The following ASIC2 variants were observed in gnomAD, a reference collection of about 807,000 sequenced individuals.
ASIC2 encodes the protein acid sensing ion channel subunit 2, also known as acid-sensing ion channel 2.
A neutral mutation model predicts 57.3 loss-of-function variants in ASIC2; 25 were observed. The ratio of observed to expected loss-of-function variants is 0.44; its 90% CI spans 0.32 to 0.61. ASIC2 has a LOEUF of 0.61. Among genes scored for constraint, ASIC2 ranks in the 20% least tolerant of loss-of-function variants. The pLI is 0.06. For synonymous variants in ASIC2, 319 were observed against 307.5 expected (o/e 1.04, Z -0.39); for missense variants, 641 against 738.1 (o/e 0.87, Z 1.52).
intron 1 of ASIC2, among the ~76,000 whole-genome samples, chr17:33,212,178 T>C (rs1355731289): frequency 1.3e-5 from 2 of 152,168 alleles, no homozygotes; most frequent in Non-Finnish European, 1.5e-5. Flanking sequence ...ATCCCTGAAA[T>C]CGTGAATATT....
At chr17:33,899,044 A>G (rs928406891) in intron 1 of ASIC2, among the ~76,000 whole-genome samples, 5 of 151,536 alleles carry the variant, frequency 3.3e-5, no homozygotes, top group African/African-American at 1.2e-4. Flanking sequence ...CAAAAATCTG[A>G]GTTAAAGCTC....
intron 1 of ASIC2, among the ~76,000 whole-genome samples, chr17:33,137,409 G>T (rs2092371002): frequency 6.6e-6 from 1 of 152,196 alleles, no homozygotes; most frequent in East Asian, 1.9e-4. Flanking sequence ...AAGGGCAATG[G>T]TACATTTGAA....
At chr17:33,427,760 G>T (rs1016299732) in intron 1 of ASIC2, among the ~76,000 whole-genome samples, 8 of 152,128 alleles carry the variant, frequency 5.3e-5, no homozygotes, top group Non-Finnish European at 5.9e-5. Flanking sequence ...CTTGAAAATG[G>T]CCCCCAAAGA....
intron 5 of ASIC2, among the ~76,000 whole-genome samples, chr17:33,024,475 G>T (rs1567719664): frequency 1.3e-5 from 2 of 152,204 alleles, no homozygotes; most frequent in Admixed American, 1.3e-4. Flanking sequence ...TGCAGGCAAA[G>T]TTCCTTCATT....
At chr17:33,886,955 C>T (rs902130919) in intron 1 of ASIC2, among the ~76,000 whole-genome samples, 2 of 151,492 alleles carry the variant, frequency 1.3e-5, no homozygotes, top group African/African-American at 4.9e-5. Flanking sequence ...AACAAACTAA[C>T]AAAAAAAACA....
chr17:33,374,709 G>C (rs938096239), intron 1 of ASIC2, among the ~76,000 whole-genome samples: 1 of 152,212 alleles, frequency 6.6e-6, no homozygotes, highest in African/African-American at 2.4e-5. Flanking sequence ...TGAGCGTGAG[G>C]TTATGCAGCC....
rs142833142 is a variant in ASIC2 at position 33,460,592 on chromosome 17, C to G, written c.556-348525G>C. Among the ~76,000 whole-genome samples, 327 of 152,212 alleles carry G rather than the reference C, an allele frequency of 2.1e-3. 1 individual carries two copies. The highest frequency in any genetic ancestry group is 7.5e-3 in the African/African-American group (313 of 41,544). ...CCACAGAAATGGGGAAAACTAATGGCCAAAGATTATTTAGTCTCATCAACA... is the reference window on the plus strand; with the variant it reads ...CCACAGAAATGGGGAAAACTAATGGGCAAAGATTATTTAGTCTCATCAACA... On this transcript the variant is annotated intron_variant, in intron 1 of 9. Transcript: ENST00000359872.
intron 1 of ASIC2, among the ~76,000 whole-genome samples, chr17:34,062,545 A>G (rs377301412): frequency 6.6e-6 from 1 of 152,122 alleles, no homozygotes; most frequent in African/African-American, 2.4e-5. Context: ...ATGAAATTGA[A>G]ACAAAAAAAG....
intron 1 of ASIC2, among the ~76,000 whole-genome samples, chr17:33,741,716 TC>T (rs1398885608): frequency 1.3e-5 from 2 of 152,220 alleles, no homozygotes; most frequent in Non-Finnish European, 2.9e-5. Context: ...TGCAGTTTTC[TC>T]CTGCTCTACT....
At chr17:33,579,101 A>G (rs996316925) in intron 1 of ASIC2, among the ~76,000 whole-genome samples, 43 of 148,308 alleles carry the variant, frequency 2.9e-4, no homozygotes, top group African/African-American at 1.0e-3. Flanking sequence ...TCTGGCCAAC[A>G]TGGTGAAACC....
intron 1 of ASIC2, among the ~76,000 whole-genome samples, chr17:33,908,457 G>A (rs1452368085): frequency 1.3e-5 from 2 of 152,182 alleles, no homozygotes; most frequent in East Asian, 3.8e-4. Context: ...AGAGGGAAAC[G>A]GAGAAGGAGA....
intron 1 of ASIC2, among the ~76,000 whole-genome samples, chr17:33,446,700 C>G (rs576413371): frequency 6.6e-6 from 1 of 152,148 alleles, no homozygotes; most frequent in African/African-American, 2.4e-5. Flanking sequence ...GGAACCATGT[C>G]TTTTCATCCC....
At chr17:34,032,949 G>C (rs1433049560) in intron 1 of ASIC2, among the ~76,000 whole-genome samples, 1 of 152,180 alleles carries the variant, frequency 6.6e-6, no homozygotes, top group East Asian at 1.9e-4. Flanking sequence ...ACATTAGACA[G>C]ATAAACAAGA....
intron 1 of ASIC2, among the ~76,000 whole-genome samples, chr17:33,216,635 G>A (rs1158667755): frequency 1.3e-5 from 2 of 152,262 alleles, no homozygotes; most frequent in East Asian, 1.9e-4. Context: ...GGCCTGGCAT[G>A]AGGGTGCTAT....
intron 1 of ASIC2, among the ~76,000 whole-genome samples, chr17:33,927,629 G>A (rs1915850842): frequency 6.6e-6 from 1 of 152,152 alleles, no homozygotes. Context: ...CCAATCTATG[G>A]TATTTGTTAG....
At chr17:33,617,524 A>G (rs77641393) in intron 1 of ASIC2, among the ~76,000 whole-genome samples, 56,874 of 151,758 alleles carry the variant, frequency 0.37, 10,863 homozygotes, top group East Asian at 0.49. Flanking sequence ...AGGAGGGGAG[A>G]ATAAAAAAAC....
chr17:33,406,009 A>C (rs896086230), intron 1 of ASIC2, among the ~76,000 whole-genome samples: 2 of 147,852 alleles, frequency 1.4e-5, no homozygotes, highest in Non-Finnish European at 3.0e-5. Context: ...TGGAAAATGC[A>C]AAACAGGCTC....
chr17:34,051,877 AGAGAGCG>A (rs1263120702), intron 1 of ASIC2: 2 of 150,342 alleles, frequency 1.3e-5, no homozygotes, highest in African/African-American at 4.9e-5. Flanking sequence ...AGAGAGAGCG[AGAGAGCG>A]AGAGAGCGAG....
chr17:33,950,246 G>A (rs1904515491), intron 1 of ASIC2, among the ~76,000 whole-genome samples: 1 of 152,202 alleles, frequency 6.6e-6, no homozygotes, highest in African/African-American at 2.4e-5. Context: ...TTACCAGGGA[G>A]GGCCTGCCCA....
Sources: gnomAD v4.1 joint callset for allele counts (sites outside exome capture counted in the v4.1 genomes callset) on GRCh38, gnomAD v4.1.1 for gene constraint, MANE v1.5 for transcripts, NCBI Gene and HGNC (gene_info 2026-07-23, HGNC 2026-07-21) for gene names.